The following AOPEP variants were observed in gnomAD, a reference collection of about 807,000 sequenced individuals.
The protein encoded by AOPEP is aminopeptidase O.
In AOPEP, 77 loss-of-function variants were observed where a neutral mutation model predicts 98.1. The ratio of observed to expected loss-of-function variants is 0.78; its 90% CI spans 0.65 to 0.95. The LOEUF is 0.95. AOPEP is among the 40% of genes least tolerant of loss of function. AOPEP has a pLI of 0.00. For missense variants in AOPEP, 1,024 were observed against 1,024.7 expected (o/e 1.00, Z 0.01); for synonymous variants, 346 against 365.3 (o/e 0.95, Z 0.60).
chr9:94,962,650 A>G (rs1324465325), intron 9 of AOPEP, among the ~76,000 whole-genome samples: 1 of 152,080 alleles, frequency 6.6e-6, no homozygotes. Flanking sequence ...AGAAGTCCCT[A>G]AAGTTCTTCC....
chr9:95,124,491 C>T, the AOPEP span, among the ~76,000 whole-genome samples: 3 of 152,126 alleles, frequency 2.0e-5, no homozygotes, highest in Non-Finnish European at 4.4e-5. Flanking sequence ...CTGCAGGGTG[C>T]GGGCCTGGCC....
chr9:94,935,604 G>A (rs1440819187), intron 7 of AOPEP, among the ~76,000 whole-genome samples: 1 of 152,152 alleles, frequency 6.6e-6, no homozygotes, highest in Non-Finnish European at 1.5e-5. Flanking sequence ...AGTCCCAGGT[G>A]CTTCCAGCTC....
intron 1 of AOPEP, among the ~76,000 whole-genome samples, chr9:94,751,172 A>G (rs1463491032): frequency 3.3e-5 from 5 of 152,224 alleles, no homozygotes; most frequent in Admixed American, 3.3e-4. Flanking sequence ...GCTCAATGCC[A>G]TTCCCTTCTT....
At chr9:94,801,851 C>G (rs1241633511) in intron 5 of AOPEP, among the ~76,000 whole-genome samples, 1 of 152,164 alleles carries the variant, frequency 6.6e-6, no homozygotes. Flanking sequence ...AAGGAAATTC[C>G]TGCTGCCAAT....
chr9:95,061,418 C>T (rs2133931332), intron 14 of AOPEP, among the ~76,000 whole-genome samples: 1 of 152,268 alleles, frequency 6.6e-6, no homozygotes, highest in Non-Finnish European at 1.5e-5. Context: ...AAACAGAAAA[C>T]CTCTTTTATA....
chr9:94,767,922 T>C (rs1425583451), intron 2 of AOPEP, among the ~76,000 whole-genome samples: 2 of 152,174 alleles, frequency 1.3e-5, no homozygotes, highest in African/African-American at 4.8e-5. Flanking sequence ...TGCATGTGTG[T>C]GTATAGGAGA....
chr9:95,027,031 C>T (rs1479954245), intron 13 of AOPEP, among the ~76,000 whole-genome samples: 10 of 152,060 alleles, frequency 6.6e-5, no homozygotes, highest in South Asian at 2.1e-4. Flanking sequence ...GGAGCTGAGG[C>T]GGGTGGATCG....
intron 11 of AOPEP, among the ~76,000 whole-genome samples, chr9:94,989,528 C>T (rs1257407771): frequency 6.6e-6 from 1 of 151,782 alleles, no homozygotes; most frequent in East Asian, 1.9e-4. Flanking sequence ...AGCCACTGTG[C>T]CTGGCCAAGA....
chr9:94,859,489 A>G (rs2044665278), intron 5 of AOPEP, among the ~76,000 whole-genome samples: 1 of 152,212 alleles, frequency 6.6e-6, no homozygotes, highest in South Asian at 2.1e-4. Context: ...CAAGATCCTT[A>G]TTAACTTCAT....
chr9:94,774,535 A>G (rs529531908), intron 3 of AOPEP, among the ~76,000 whole-genome samples: 5 of 152,182 alleles, frequency 3.3e-5, no homozygotes, highest in Non-Finnish European at 7.4e-5. Context: ...TTTCACTTAT[A>G]GTGTATCTTG....
chr9:94,844,576 T>C (rs983006843), intron 5 of AOPEP, among the ~76,000 whole-genome samples: 1 of 152,222 alleles, frequency 6.6e-6, no homozygotes, highest in African/African-American at 2.4e-5. Context: ...TACTGTATAG[T>C]GGAACCCAGA....
At position 95,080,983 on chromosome 9, in the gene AOPEP, G is replaced by A. The variant is rs971854245; in HGVS notation, c.2319+203G>A. On this transcript the variant is annotated intron_variant, in intron 15 of 16. Transcript: ENST00000375315. ...CAATGTCTTTGAAGGATTGAGTTGA[G>A]CACCTTCAATGCCGCCTTGTGGCCC... The A allele has an allele frequency of 1.7e-5, 10 of 571,734 alleles. No homozygotes were observed. In the African/African-American group the frequency reaches 1.9e-4, roughly 11 times the overall value. 35.4% of individuals were successfully genotyped at this position (571,734 alleles called of 1,614,324 possible). A position where few individuals can be genotyped will look rare whatever the true frequency, so the allele number is the denominator to read the frequency against.
At chr9:95,077,704 G>A (rs959982609) in intron 14 of AOPEP, among the ~76,000 whole-genome samples, 4 of 152,080 alleles carry the variant, frequency 2.6e-5, no homozygotes, top group Admixed American at 6.6e-5. Flanking sequence ...CATCTTTCAC[G>A]ACCTTGAAGC....
chr9:94,794,245 C>T (rs951460633), intron 4 of AOPEP, among the ~76,000 whole-genome samples: 3 of 152,164 alleles, frequency 2.0e-5, no homozygotes, highest in Non-Finnish European at 4.4e-5. Flanking sequence ...AGAAGGGGGA[C>T]GCTGAGAAGG....
rs1313906183 is a variant in AOPEP at position 95,036,577 on chromosome 9, G to A, written c.2116-24117G>A. Among the ~76,000 whole-genome samples, 5 of 152,054 alleles carry A rather than the reference G, an allele frequency of 3.3e-5. No homozygotes were observed. In the South Asian group the frequency reaches 6.2e-4, roughly 19 times the overall value. On this transcript the variant is annotated intron_variant, in intron 13 of 16. Transcript: ENST00000375315. ...GTGTTTACTTGCTCTTTATAAACAA[G>A]AGCAGCACTTCATTCCTTTCGGTAA...
intron 1 of AOPEP, among the ~76,000 whole-genome samples, chr9:94,728,239 G>GCGCACACACACA (rs113657409): frequency 1.4e-5 from 2 of 146,606 alleles, no homozygotes; most frequent in African/African-American, 5.0e-5. Context: ...GTGCGCGCAT[G>GCGCACACACACA]CACACACACA....
intron 13 of AOPEP, among the ~76,000 whole-genome samples, chr9:95,015,667 G>C (rs902847867): frequency 6.6e-6 from 1 of 152,126 alleles, no homozygotes. Flanking sequence ...GGAGGTATCG[G>C]AACAGTTTGG....
intron 2 of AOPEP, chr9:94,760,800 T>A (rs1838093793): frequency 2.5e-6 from 1 of 400,682 alleles, no homozygotes; most frequent in South Asian, 8.7e-5. Flanking sequence ...AAAAGATTAT[T>A]AAGCCCTCCC....
chr9:94,881,605 CAGGTTT>C (rs1181940830), intron 5 of AOPEP, among the ~76,000 whole-genome samples: 1 of 152,098 alleles, frequency 6.6e-6, no homozygotes, highest in Non-Finnish European at 1.5e-5. Context: ...ACTTCCCATC[CAGGTTT>C]ATGTTTTTTT....
Sources: gnomAD v4.1 joint callset for allele counts (sites outside exome capture counted in the v4.1 genomes callset) on GRCh38, gnomAD v4.1.1 for gene constraint, MANE v1.5 for transcripts, NCBI Gene and HGNC (gene_info 2026-07-23, HGNC 2026-07-21) for gene names.